The following CDH4 variants were observed in gnomAD, a reference collection of about 807,000 sequenced individuals.
The protein encoded by CDH4 is cadherin-4.
CDH4 carries 33 observed loss-of-function variants against 86.0 expected under a neutral mutation model. That is an observed-to-expected ratio of 0.38 (90% CI 0.29 to 0.51). CDH4 has a LOEUF of 0.51. Ranked by LOEUF, CDH4 falls within the 20% of genes least tolerant of loss-of-function variation. The probability of loss-of-function intolerance (pLI) is 0.86; values close to 1 mark genes in which losing one functional copy is unlikely to be tolerated. For synonymous variants in CDH4, 555 were observed against 549.4 expected (o/e 1.01, Z -0.14); for missense variants, 1,114 against 1,307.4 (o/e 0.85, Z 2.28).
At chr20:61,629,502 C>T (rs2086864181) in intron 2 of CDH4, among the ~76,000 whole-genome samples, 3 of 152,268 alleles carry the variant, frequency 2.0e-5, no homozygotes, top group Admixed American at 2.0e-4. Flanking sequence ...CTGTCCTCCA[C>T]ACTTGTCGCC....
At chr20:61,836,004 G>A (rs1018594222) in intron 4 of CDH4, among the ~76,000 whole-genome samples, 3 of 152,224 alleles carry the variant, frequency 2.0e-5, no homozygotes, top group South Asian at 4.1e-4. Flanking sequence ...AAGGCCGGCC[G>A]GTTGGGTGAT....
chr20:61,673,674 G>A (rs1007643335), intron 2 of CDH4, among the ~76,000 whole-genome samples: 73 of 152,326 alleles, frequency 4.8e-4, no homozygotes, highest in East Asian at 1.5e-3. Context: ...AGGGTCTGGC[G>A]GTTGAGTGCA....
At chr20:61,272,258 G>C in intron 2 of CDH4, among the ~76,000 whole-genome samples, 1 of 152,134 alleles carries the variant, frequency 6.6e-6, no homozygotes, top group East Asian at 1.9e-4. Context: ...GTCCCCCAGT[G>C]GCTTTCTAAG....
chr20:61,834,199 C>T (rs1568840466), intron 4 of CDH4, among the ~76,000 whole-genome samples: 1 of 152,226 alleles, frequency 6.6e-6, no homozygotes, highest in Non-Finnish European at 1.5e-5. Context: ...CAACCTCCTT[C>T]TCGGGCCTGA....
At chr20:61,487,960 A>G (rs1446672536) in intron 2 of CDH4, among the ~76,000 whole-genome samples, 1 of 152,266 alleles carries the variant, frequency 6.6e-6, no homozygotes, top group East Asian at 1.9e-4. Flanking sequence ...TAAGTCTTCA[A>G]GCCACGGTTG....
intron 2 of CDH4, among the ~76,000 whole-genome samples, chr20:61,419,511 G>T (rs1568837392): frequency 6.6e-6 from 1 of 152,160 alleles, no homozygotes; most frequent in Non-Finnish European, 1.5e-5. Flanking sequence ...TAGCTTTCCA[G>T]TCGGCTGGTG....
chr20:61,299,849 A>AT (rs1464949220), intron 2 of CDH4, among the ~76,000 whole-genome samples: 1 of 152,158 alleles, frequency 6.6e-6, no homozygotes, highest in East Asian at 1.9e-4. Flanking sequence ...CCTAAACTAT[A>AT]AGCCATAAGT....
rs2087862627 is a variant in CDH4, at chr20:61,709,077, A to C, written c.170-34486A>C. Among the ~76,000 whole-genome samples the C allele has an allele frequency of 6.6e-6, 1 of 152,118 alleles. No homozygotes were observed. Among genetic ancestry groups the C allele is most frequent in the South Asian group, 2.1e-4 (1 of 4,828 alleles). ...GGCTCATGATGGGAGTGTGGAGGAC[A>C]CTGGCTGAGTTCACATCACCCCAAA... On this transcript the variant is annotated intron_variant, in intron 2 of 15. Transcript: ENST00000614565. This position sits in a 1 kb window ranked among gnomAD's most constrained non-coding sequence, Gnocchi z 4.8.
At chr20:61,720,798 C>G (rs1238153022) in intron 2 of CDH4, among the ~76,000 whole-genome samples, 1 of 152,124 alleles carries the variant, frequency 6.6e-6, no homozygotes. Flanking sequence ...GGCGTGTTCT[C>G]TCATTGTACC....
intron 2 of CDH4, among the ~76,000 whole-genome samples, chr20:61,353,679 C>G: frequency 1.6e-5 from 1 of 62,746 alleles, no homozygotes; most frequent in Non-Finnish European, 3.5e-5. Context: ...TCCCCCTCCT[C>G]CTCCCCCTCC....
At position 61,754,358 on chromosome 20, in the gene CDH4, A is replaced by G. The variant is rs574093282; in HGVS notation, c.396+10569A>G. 6.6e-6 allele frequency among the ~76,000 whole-genome samples: 1 copy of G among 152,186 alleles called. No individual in the cohort carries two copies. The highest frequency in any genetic ancestry group is 2.4e-5 in the African/African-American group (1 of 41,530). On this transcript the variant is annotated intron_variant, in intron 3 of 15. Transcript: ENST00000614565. The surrounding 1 kb of genome is among the most constrained non-coding windows in gnomAD (Gnocchi z 4.7). Reference sequence around the variant, plus strand: ...GCCAGGGGTCCCGCCCAGGGCTCCAAATACCCCTGAATCCTCTTGATGCAG... The same window carrying G: ...GCCAGGGGTCCCGCCCAGGGCTCCAGATACCCCTGAATCCTCTTGATGCAG...
intron 2 of CDH4, among the ~76,000 whole-genome samples, chr20:61,597,719 C>T (rs1466834134): frequency 1.3e-5 from 2 of 152,160 alleles, no homozygotes; most frequent in African/African-American, 2.4e-5. Context: ...GCGCCTTCAG[C>T]GACTCTCACA....
At chr20:61,922,396 C>T (rs1011362728) in intron 9 of CDH4, among the ~76,000 whole-genome samples, 2 of 152,144 alleles carry the variant, frequency 1.3e-5, no homozygotes, top group East Asian at 1.9e-4. Context: ...GTAGCTCTAG[C>T]GTTTATCAGC....
At chr20:61,813,249 G>A (rs1251138908) in intron 4 of CDH4, among the ~76,000 whole-genome samples, 3 of 152,186 alleles carry the variant, frequency 2.0e-5, no homozygotes, top group South Asian at 2.1e-4. Flanking sequence ...GAGGTCCCCA[G>A]CTTCGGGCCG....
intron 2 of CDH4, among the ~76,000 whole-genome samples, chr20:61,594,163 A>C: frequency 1.6e-5 from 1 of 64,068 alleles, no homozygotes; most frequent in South Asian, 9.4e-4. Context: ...GGGTTGGGGA[A>C]AGAGGGGGGA....
chr20:61,743,633 G>T lies in CDH4; in HGVS notation c.240G>T (p.Gly80=), dbSNP rs1380657725. The change falls in exon 3 of 16, where the codon GGG becomes GGT. Residue 80 remains glycine, a synonymous_variant. Transcript: ENST00000614565. ...CCAACAGCATGGACTTCAAAGTTGG[G>T]GCAGATGGGACAGTCTTCGCCACCC... ...YETNSMDFKV[G]ADGTVFATRE... The T allele has an allele frequency of 1.8e-5, 29 of 1,591,832 alleles. No homozygotes were observed. The highest frequency in any genetic ancestry group is 2.5e-5 in the Non-Finnish European group (29 of 1,168,716).
At position 61,306,235 on chromosome 20, in the gene CDH4, A is replaced by C. The variant is rs188279466; in HGVS notation, c.169+51298A>C. Among the ~76,000 whole-genome samples, 896 of 152,348 alleles carry C rather than the reference A, an allele frequency of 5.9e-3. 4 individuals carry two copies. The highest frequency in any genetic ancestry group is 0.01 in the Non-Finnish European group (714 of 68,042). On this transcript the variant is annotated intron_variant, in intron 2 of 15. Transcript: ENST00000614565. ...ATCTGGACTCAAGAAATTACCTCAGAATATTATACGTAAAACATTCTAGAT... is the reference window on the plus strand; with the variant it reads ...ATCTGGACTCAAGAAATTACCTCAGCATATTATACGTAAAACATTCTAGAT...
chr20:61,439,323 G>C (rs1215204983), intron 2 of CDH4, among the ~76,000 whole-genome samples: 1 of 145,628 alleles, frequency 6.9e-6, no homozygotes, highest in East Asian at 1.9e-4. Flanking sequence ...TCAAAGCTCA[G>C]AGGCGTCAAA....
At chr20:61,535,971 A>C (rs1019992804) in intron 2 of CDH4, among the ~76,000 whole-genome samples, 2 of 151,632 alleles carry the variant, frequency 1.3e-5, no homozygotes, top group African/African-American at 4.9e-5. Context: ...TGGGGTGCTT[A>C]CCTCCCTCAG....
Sources: allele counts gnomAD v4.1 joint callset (sites outside exome capture counted in the v4.1 genomes callset), GRCh38; gene constraint gnomAD v4.1.1; non-coding constraint Gnocchi (gnomAD v3.1); transcripts MANE v1.5; gene names NCBI Gene and HGNC (gene_info 2026-07-23, HGNC 2026-07-21).